The following RYR2 variants were observed in gnomAD, a reference collection of about 807,000 sequenced individuals.
RYR2 encodes ryanodine receptor 2.
RYR2 carries 227 observed loss-of-function variants against 601.1 expected under a neutral mutation model. That is an observed-to-expected ratio of 0.38 (90% CI 0.34 to 0.42). RYR2 has a LOEUF of 0.42. RYR2 is among the 10% of genes least tolerant of loss of function. The pLI is 1.00. For missense variants in RYR2, 4,646 were observed against 6,156.5 expected (o/e 0.75, Z 8.21); for synonymous variants, 2,223 against 2,175.1 (o/e 1.02, Z -0.61).
chr1:237,775,875 G>C (rs1694622401), intron 87 of RYR2, among the ~76,000 whole-genome samples: 1 of 152,138 alleles, frequency 6.6e-6, no homozygotes. Flanking sequence ...CAGAAGCTGA[G>C]GACCTAAGGT....
At position 237,212,422 on chromosome 1, in the gene RYR2, T is replaced by C. The variant is rs11589911; in HGVS notation, c.49-58075T>C. Among the ~76,000 whole-genome samples the C allele has an allele frequency of 5.6e-3, 853 of 152,280 alleles. 7 individuals are homozygous for C. Among genetic ancestry groups the C allele is most frequent in the South Asian group, 0.013 (61 of 4,828 alleles). On this transcript the variant is annotated intron_variant, in intron 1 of 104. Coordinates refer to ENST00000366574, the MANE Select transcript of RYR2 (RefSeq NM_001035.3). ...AATAATAATACATAGAATATCCTTA[T>C]ACATGTGTCTTTGAGAACTTGTTGA...
intron 2 of RYR2, among the ~76,000 whole-genome samples, chr1:237,327,884 G>A (rs1235110980): frequency 6.6e-6 from 1 of 152,202 alleles, no homozygotes; most frequent in Non-Finnish European, 1.5e-5. Flanking sequence ...CAGCTAATAA[G>A]TAATGAGGCC....
chr1:237,161,474 T>G (rs965709602), intron 1 of RYR2, among the ~76,000 whole-genome samples: 1 of 152,136 alleles, frequency 6.6e-6, no homozygotes, highest in South Asian at 2.1e-4. Flanking sequence ...ACTCAGGAGT[T>G]TTAATAAAAA....
chr1:237,611,070 G>A (rs983899259), intron 36 of RYR2, 82 bp downstream of exon 36: 1 of 1,178,754 alleles, frequency 8.5e-7, no homozygotes, highest in Non-Finnish European at 1.2e-6. Context: ...AGTGGTGCGG[G>A]GCAGGGGTGG....
chr1:237,827,705 G>A (rs1369018249), intron 101 of RYR2, among the ~76,000 whole-genome samples: 4 of 150,582 alleles, frequency 2.7e-5, no homozygotes, highest in African/African-American at 4.9e-5. Context: ...TTGGGAGGCC[G>A]AGGCAGGCGG....
At chr1:237,490,562 G>A (rs1481348210) in intron 17 of RYR2, among the ~76,000 whole-genome samples, 1 of 151,926 alleles carries the variant, frequency 6.6e-6, no homozygotes, top group Non-Finnish European at 1.5e-5. Flanking sequence ...ATAAAGATCT[G>A]CTTTAACTCG....
chr1:237,617,531 A>G, intron 38 of RYR2, 45 bp downstream of exon 38: 1 of 1,583,948 alleles, frequency 6.3e-7, no homozygotes, highest in South Asian at 1.1e-5. Flanking sequence ...GTTGGCTTTT[A>G]GTCATTCAGG....
chr1:237,297,130 C>A (rs1017595731), intron 2 of RYR2, among the ~76,000 whole-genome samples: 1 of 151,734 alleles, frequency 6.6e-6, no homozygotes, highest in Non-Finnish European at 1.5e-5. Flanking sequence ...AAAAAGCAAA[C>A]GATAAAAGTA....
At chr1:237,722,965 C>T (rs1487484516) in intron 73 of RYR2, among the ~76,000 whole-genome samples, 163 bp from the exon 74 acceptor site, 1 of 152,176 alleles carries the variant, frequency 6.6e-6, no homozygotes, top group African/African-American at 2.4e-5. Flanking sequence ...ATTAGATCTC[C>T]AGACCTGTTC....
chr1:237,072,965 CA>C (rs1572535910), intron 1 of RYR2, among the ~76,000 whole-genome samples: 1 of 97,578 alleles, frequency 1.0e-5, no homozygotes, highest in African/African-American at 3.3e-5. Context: ...AAAAAAAAAA[CA>C]AAAACTCATC....
At chr1:237,826,127 A>G (rs540611940) in intron 101 of RYR2, among the ~76,000 whole-genome samples, 1 of 152,310 alleles carries the variant, frequency 6.6e-6, no homozygotes, top group Admixed American at 6.5e-5. Flanking sequence ...AGGATCTAGA[A>G]CTAGAAATAC....
In RYR2 at chr1:237,613,942, TCC is replaced by T; in HGVS notation, c.4911-96_4911-95del. ...GCAGTGTCTATTCCCATAACTTTTT[TCC>T]TTCAAATTTACAGTGCATACTGATT... On this transcript the variant is annotated intron_variant, in intron 36 of 104. Coordinates refer to ENST00000366574, the MANE Select transcript of RYR2 (RefSeq NM_001035.3). The T allele has an allele frequency of 9.5e-6, 11 of 1,154,080 alleles. No homozygotes were observed. In the Admixed American group the frequency reaches 1.3e-4, roughly 14 times the overall value. The allele number at this position is 1,154,080 out of a possible 1,614,324, so 71.5% of individuals were successfully genotyped here.
chr1:237,350,205 G>C (rs890686767), intron 3 of RYR2, among the ~76,000 whole-genome samples: 35 of 152,134 alleles, frequency 2.3e-4, no homozygotes, highest in Non-Finnish European at 3.5e-4. Context: ...CTTACAGAAA[G>C]AGTAAAAGCT....
intron 1 of RYR2, among the ~76,000 whole-genome samples, chr1:237,103,844 C>T (rs761168797): frequency 2.0e-5 from 3 of 152,212 alleles, no homozygotes; most frequent in Non-Finnish European, 4.4e-5. Context: ...GTTGGGATTA[C>T]AGGCGTGAGC....
intron 61 of RYR2, 52 bp from the exon 62 acceptor site, chr1:237,680,404 A>G: frequency 6.5e-7 from 1 of 1,549,308 alleles, no homozygotes. Context: ...GCTCCCATTC[A>G]TCCCCTGAAA....
At chr1:237,047,977 T>C (rs1284145864) in intron 1 of RYR2, among the ~76,000 whole-genome samples, 1 of 152,216 alleles carries the variant, frequency 6.6e-6, no homozygotes, top group East Asian at 1.9e-4. Context: ...AAAGCGACTC[T>C]TTTTTGTAGG....
chr1:237,062,211 A>G (rs1662971627), intron 1 of RYR2, among the ~76,000 whole-genome samples: 2 of 152,198 alleles, frequency 1.3e-5, no homozygotes, highest in African/African-American at 2.4e-5. Context: ...TATCTTTGCT[A>G]TTCTTGGCTC....
chr1:237,652,198 A>G (rs1246144774), intron 51 of RYR2, among the ~76,000 whole-genome samples: 1 of 152,208 alleles, frequency 6.6e-6, no homozygotes, highest in Non-Finnish European at 1.5e-5. Context: ...ACAGGTTCCA[A>G]TTGTCACTTC....
intron 1 of RYR2, among the ~76,000 whole-genome samples, chr1:237,187,443 C>CTTTTTTTT (rs10686110): frequency 0.016 from 1,351 of 86,748 alleles, 276 homozygotes; most frequent in East Asian, 0.037. Context: ...GCCCGGCCGA[C>CTTTTTTTT]TTTTTTTTTT....
Sources: allele counts gnomAD v4.1 joint callset (sites outside exome capture counted in the v4.1 genomes callset), GRCh38; gene constraint gnomAD v4.1.1; transcripts MANE v1.5; gene names NCBI Gene and HGNC (gene_info 2026-07-23, HGNC 2026-07-21).